Variants in RALGPS2 observed in about 807,000 individuals in gnomAD.
RALGPS2 encodes the protein Ral GEF with PH domain and SH3 binding motif 2.
Under a neutral mutation model 86.8 loss-of-function variants are expected in RALGPS2, and 43 were observed. That is an observed-to-expected ratio of 0.50 (90% confidence interval 0.39 to 0.64). The LOEUF (loss-of-function observed/expected upper bound fraction) is 0.64. RALGPS2 is among the 30% of genes least tolerant of loss of function. The pLI, the probability that RALGPS2 is intolerant of heterozygous loss-of-function variation, is 0.00. For synonymous variants in RALGPS2, 243 were observed against 231.3 expected, an observed-to-expected ratio of 1.05 and a Z score of -0.46; for missense variants, 536 against 694.6, an observed-to-expected ratio of 0.77 and a Z score of 2.57.
intron 6 of RALGPS2, among the ~76,000 whole-genome samples, chr1:178,816,998 G>A (rs1305115545): frequency 1.3e-5 from 2 of 151,856 alleles, no homozygotes; most frequent in Non-Finnish European, 2.9e-5. Context: ...GTGAGCCACC[G>A]CACCCAGCCA....
intron 4 of RALGPS2, among the ~76,000 whole-genome samples, chr1:178,805,259 G>C (rs547872624): frequency 0.071 from 10,111 of 142,068 alleles, 781 homozygotes; most frequent in African/African-American, 0.2. Flanking sequence ...GTTTCTTTTG[G>C]TGTGCAGAAG....
chr1:178,788,914 C>CT (rs1317267555), intron 4 of RALGPS2, among the ~76,000 whole-genome samples: 90 of 79,934 alleles, frequency 1.1e-3, no homozygotes, highest in Middle Eastern at 6.0e-3. Context: ...CTTCTTTTTT[C>CT]TTTTTTTTTG....
Position 178,738,669 on chromosome 1 carries a change from A to G in RALGPS2, c.-84+13250A>G, listed in dbSNP as rs567237187. Reference sequence around the variant, plus strand: ...TAAATAAATTTTTTAAGGATAGACAATGGTTATAATTCTTTGATGAAAGTC... The same window carrying G: ...TAAATAAATTTTTTAAGGATAGACAGTGGTTATAATTCTTTGATGAAAGTC... On this transcript the variant is annotated intron_variant, in intron 1 of 19. Coordinates refer to ENST00000367635, the MANE Select transcript of RALGPS2 (RefSeq NM_152663.5). Among the ~76,000 whole-genome samples, 9 of 152,348 alleles carry G rather than the reference A, an allele frequency of 5.9e-5. No homozygotes were observed. In the South Asian group the frequency reaches 1.7e-3, roughly 28 times the overall value.
At chr1:178,810,530 A>ATT (rs777484199) in intron 5 of RALGPS2, among the ~76,000 whole-genome samples, 12 of 140,560 alleles carry the variant, frequency 8.5e-5, no homozygotes, top group African/African-American at 1.8e-4. Context: ...GCATAACTTG[A>ATT]TTTTTTTTTT....
Position 178,848,680 on chromosome 1 carries a change from T to A in RALGPS2, c.607+15130T>A, listed in dbSNP as rs909653737. Among the ~76,000 whole-genome samples the A allele has an allele frequency of 6.6e-5, 10 of 152,002 alleles. No individual in the cohort carries two copies. In the South Asian group the frequency reaches 1.2e-3, roughly 19 times the overall value. On this transcript the variant is annotated intron_variant, in intron 8 of 19. Transcript: ENST00000367635. ...TATTGTTTTGTTTTTTGAGAAAGAG[T>A]CTAACTCTGTCCCCCAGGCTCGAGT...
intron 13 of RALGPS2, among the ~76,000 whole-genome samples, chr1:178,887,955 A>G (rs576850070): frequency 6.6e-6 from 1 of 152,288 alleles, no homozygotes; most frequent in African/African-American, 2.4e-5. Context: ...TTAAAATTAC[A>G]GCTCTCAAGT....
chr1:178,866,771 T>C (rs2102340392), intron 8 of RALGPS2, among the ~76,000 whole-genome samples: 1 of 152,290 alleles, frequency 6.6e-6, no homozygotes, highest in African/African-American at 2.4e-5. Context: ...CCATAGTCAG[T>C]ATTTATAGAA....
chr1:178,836,301 G>C (rs1347506573), intron 8 of RALGPS2, among the ~76,000 whole-genome samples: 2 of 152,212 alleles, frequency 1.3e-5, no homozygotes, highest in African/African-American at 4.8e-5. Context: ...TTGAGGTACA[G>C]ATGTTAATTT....
At chr1:178,774,017 G>A (rs1652942968) in intron 1 of RALGPS2, among the ~76,000 whole-genome samples, 1 of 152,238 alleles carries the variant, frequency 6.6e-6, no homozygotes, top group African/African-American at 2.4e-5. Flanking sequence ...AAGGCCTGCA[G>A]ATCACCTGAG....
chr1:178,788,837 CTTTCTTTCTTTTCTTTTCT>C (rs1161872497), intron 4 of RALGPS2, among the ~76,000 whole-genome samples: 6 of 123,210 alleles, frequency 4.9e-5, no homozygotes, highest in Admixed American at 8.4e-5. Flanking sequence ...TGTTTTCTTT[CTTTCTTTCTTTTCTTTTCT>C]TTTCTTTTCT....
chr1:178,814,626 G>A (rs992516470), intron 6 of RALGPS2, among the ~76,000 whole-genome samples: 1 of 152,030 alleles, frequency 6.6e-6, no homozygotes, highest in Admixed American at 6.6e-5. Flanking sequence ...GTTTTGTTTT[G>A]TTTTGTAAAG....
At chr1:178,883,087 G>A (rs188581478) in intron 10 of RALGPS2, among the ~76,000 whole-genome samples, 1 of 152,202 alleles carries the variant, frequency 6.6e-6, no homozygotes, top group East Asian at 1.9e-4. Context: ...AGATTTTTGT[G>A]TTTTTAAATA....
chr1:178,877,464 T>C, intron 8 of RALGPS2, 34 bp from the exon 9 acceptor site: 1 of 1,609,982 alleles, frequency 6.2e-7, no homozygotes, highest in Non-Finnish European at 8.5e-7. Flanking sequence ...AACCTACAAC[T>C]AAGAAAACGT....
chr1:178,791,525 T>C (rs1653956576), intron 4 of RALGPS2, among the ~76,000 whole-genome samples: 1 of 152,192 alleles, frequency 6.6e-6, no homozygotes, highest in South Asian at 2.1e-4. Flanking sequence ...ATTTCAATTT[T>C]GAAGAATATA....
intron 8 of RALGPS2, among the ~76,000 whole-genome samples, chr1:178,863,149 A>G (rs1658149145): frequency 6.6e-6 from 1 of 152,168 alleles, no homozygotes; most frequent in African/African-American, 2.4e-5. Flanking sequence ...GGATCATTTG[A>G]ATCTAAACAA....
At chr1:178,909,293 T>C (rs986290707) in intron 19 of RALGPS2, among the ~76,000 whole-genome samples, 1 of 152,214 alleles carries the variant, frequency 6.6e-6, no homozygotes, top group Admixed American at 6.5e-5. Flanking sequence ...TTTGTACCAG[T>C]ACCATGCTAT....
At chr1:178,864,257 C>T (rs1388480395) in intron 8 of RALGPS2, among the ~76,000 whole-genome samples, 1 of 152,122 alleles carries the variant, frequency 6.6e-6, no homozygotes, top group African/African-American at 2.4e-5. Flanking sequence ...AGTTTGGAAT[C>T]ATGCATGATC....
intron 1 of RALGPS2, among the ~76,000 whole-genome samples, chr1:178,745,541 A>G (rs990244107): frequency 1.3e-5 from 2 of 152,252 alleles, no homozygotes; most frequent in Non-Finnish European, 2.9e-5. Flanking sequence ...AGTCTATTCA[A>G]CAAATAATGC....
At chr1:178,889,527 C>T in intron 13 of RALGPS2, 115 bp from the exon 14 acceptor site, 2 of 752,774 alleles carry the variant, frequency 2.7e-6, no homozygotes, top group Non-Finnish European at 2.3e-6. Flanking sequence ...ATATGTTCAT[C>T]TACAATGCGA....
Sources: gnomAD v4.1 joint callset for allele counts (sites outside exome capture counted in the v4.1 genomes callset) on GRCh38, gnomAD v4.1.1 for gene constraint, MANE v1.5 for transcripts, NCBI Gene and HGNC (gene_info 2026-07-23, HGNC 2026-07-21) for gene names.